The following CDH12 variants were observed in gnomAD, a reference collection of about 807,000 sequenced individuals.
The protein encoded by CDH12 is cadherin 12, also known as cadherin-12.
CDH12 carries 41 observed loss-of-function variants against 74.1 expected under a neutral mutation model. That is an observed-to-expected ratio of 0.55 (90% confidence interval 0.43 to 0.72). The LOEUF is 0.72. Among genes scored for constraint, CDH12 ranks in the 30% least tolerant of loss-of-function variants. The pLI, the probability that CDH12 is intolerant of heterozygous loss-of-function variation, is 0.00. For synonymous variants in CDH12, 399 were observed against 355.0 expected (o/e 1.12, Z -1.39); for missense variants, 945 against 977.2 (o/e 0.97, Z 0.44).
chr5:22,751,723 A>G (rs1045906609), intron 1 of CDH12, among the ~76,000 whole-genome samples: 1 of 152,172 alleles, frequency 6.6e-6, no homozygotes, highest in Admixed American at 6.5e-5. Context: ...TGGTTTGGGT[A>G]TGTTGCCAGC....
intron 2 of CDH12, among the ~76,000 whole-genome samples, chr5:22,470,918 T>A (rs1475179041): frequency 6.6e-6 from 1 of 150,746 alleles, no homozygotes; most frequent in Non-Finnish European, 1.5e-5. Flanking sequence ...TCTGAAAAAC[T>A]AAATTTGTGT....
At chr5:22,685,956 T>C (rs182777753) in intron 1 of CDH12, among the ~76,000 whole-genome samples, 41 of 152,324 alleles carry the variant, frequency 2.7e-4, no homozygotes, top group Non-Finnish European at 3.4e-4. Context: ...AGTTGGCATA[T>C]TGAAGAACCG....
chr5:22,321,754 T>A lies in CDH12; in HGVS notation c.-333+83503A>T, dbSNP rs1738893930. ...AATTAAAATTTTTATTTTTATGTAC[T>A]TATTTTGTAATATCTTAGTGCAGAC... On this transcript the variant is annotated intron_variant, in intron 3 of 14. Coordinates refer to ENST00000382254, the MANE Select transcript of CDH12 (RefSeq NM_004061.5). 2.6e-5 allele frequency among the ~76,000 whole-genome samples: 4 copies of A among 152,328 alleles called. No individual in the cohort carries two copies. In the South Asian group the frequency reaches 8.3e-4, roughly 32 times the overall value.
intron 2 of CDH12, among the ~76,000 whole-genome samples, chr5:22,406,566 A>G (rs1313232908): frequency 3.3e-5 from 5 of 152,140 alleles, no homozygotes; most frequent in Non-Finnish European, 7.4e-5. Context: ...TATTCTTTCC[A>G]CCAGAAAGAA....
intron 4 of CDH12, among the ~76,000 whole-genome samples, chr5:22,171,874 G>T (rs181123440): frequency 3.0e-4 from 45 of 152,004 alleles, no homozygotes; most frequent in Middle Eastern, 3.4e-3. Flanking sequence ...GACAAATTGT[G>T]CAAGGTTAAT....
chr5:21,755,705 T>C lies in CDH12; in HGVS notation c.1771A>G (p.Arg591Gly). ...STNTMTIRVC[R>G]CDSDGTILSC... ...AGGATGGTGCCATCAGAGTCACATC[T>C]ACAGACTCGAATAGTCATTGTGTTT... The change falls in exon 14 of 15, where the codon AGA becomes GGA. Residue 591 changes from arginine (R) to glycine (G), a missense_variant. This residue lies in a region of CDH12 where 791 missense variants were observed against 792.8 expected (regional missense o/e 1.00). Coordinates refer to ENST00000382254, the MANE Select transcript of CDH12 (RefSeq NM_004061.5). The C allele has an allele frequency of 6.2e-7, 1 of 1,614,124 alleles. No individual in the cohort carries two copies. Among genetic ancestry groups the C allele is most frequent in the Non-Finnish European group, 8.5e-7 (1 of 1,180,012 alleles).
At chr5:22,766,635 C>A (rs991431855) in intron 1 of CDH12, among the ~76,000 whole-genome samples, 2 of 152,082 alleles carry the variant, frequency 1.3e-5, no homozygotes, top group African/African-American at 2.4e-5. Context: ...GCCCTTCCAA[C>A]TCCTGTGGGT....
At chr5:22,686,844 C>T (rs1741820669) in intron 1 of CDH12, among the ~76,000 whole-genome samples, 1 of 152,138 alleles carries the variant, frequency 6.6e-6, no homozygotes, top group Non-Finnish European at 1.5e-5. Context: ...ATTTCTAACC[C>T]AAGGGTTGTC....
At chr5:22,399,517 G>A (rs1742621239) in intron 3 of CDH12, among the ~76,000 whole-genome samples, 1 of 152,010 alleles carries the variant, frequency 6.6e-6, no homozygotes, top group South Asian at 2.1e-4. Context: ...CTGTTCCATT[G>A]CCTACTTCAC....
chr5:22,152,321 G>C (rs933350559), intron 4 of CDH12: 1 of 152,076 alleles, frequency 6.6e-6, no homozygotes, highest in African/African-American at 2.4e-5. Context: ...ACAATATGCT[G>C]AACATTAGAC....
At chr5:22,329,207 G>A in intron 3 of CDH12, among the ~76,000 whole-genome samples, 1 of 152,100 alleles carries the variant, frequency 6.6e-6, no homozygotes, top group African/African-American at 2.4e-5. Context: ...TAGGTTAAAG[G>A]CAAAACAAAC....
chr5:21,966,281 T>G (rs1042197613), intron 6 of CDH12, among the ~76,000 whole-genome samples: 1 of 151,830 alleles, frequency 6.6e-6, no homozygotes, highest in African/African-American at 2.4e-5. Flanking sequence ...CAATCCACTA[T>G]GTAATGGGTC....
In CDH12 at chr5:22,329,898, C is replaced by T. The variant is rs542850861; in HGVS notation, c.-333+75359G>A. On this transcript the variant is annotated intron_variant, in intron 3 of 14. Transcript: ENST00000382254. ...ACTGTGGACTGAAGTGTTCTGGGCTCCTAGGTAAACTTGAAAGCCAGTCTA... is the reference window on the plus strand; with the variant it reads ...ACTGTGGACTGAAGTGTTCTGGGCTTCTAGGTAAACTTGAAAGCCAGTCTA... Among the ~76,000 whole-genome samples the T allele has an allele frequency of 2.7e-4, 41 of 152,266 alleles. No individual in the cohort carries two copies. In the South Asian group the frequency reaches 8.3e-3, roughly 31 times the overall value.
chr5:21,842,905 G>A (rs945129030), intron 7 of CDH12, among the ~76,000 whole-genome samples: 1 of 152,122 alleles, frequency 6.6e-6, no homozygotes, highest in African/African-American at 2.4e-5. Context: ...CCAGGACAGT[G>A]CCATTTACAA....
intron 4 of CDH12, among the ~76,000 whole-genome samples, chr5:22,081,533 C>T (rs558123599): frequency 3.3e-5 from 5 of 152,266 alleles, no homozygotes; most frequent in African/African-American, 1.2e-4. Flanking sequence ...CTTCCCAAAT[C>T]TATTCTAGAA....
At chr5:22,534,307 C>T (rs564242234) in intron 1 of CDH12, among the ~76,000 whole-genome samples, 10 of 152,134 alleles carry the variant, frequency 6.6e-5, no homozygotes, top group African/African-American at 2.4e-4. Flanking sequence ...ATCGCCGGAG[C>T]AGTATACCCT....
chr5:22,027,638 T>C (rs1486490757), intron 5 of CDH12, among the ~76,000 whole-genome samples: 1 of 152,190 alleles, frequency 6.6e-6, no homozygotes, highest in Non-Finnish European at 1.5e-5. Flanking sequence ...GTAGTTTGTA[T>C]TTCTGTGGGA....
At chr5:21,774,505 A>G (rs1213777558) in intron 11 of CDH12, 2 of 152,062 alleles carry the variant, frequency 1.3e-5, no homozygotes, top group African/African-American at 4.8e-5. Context: ...TCATCTTGTG[A>G]TCATGTGAGT....
chr5:22,211,219 C>T (rs1177262339), intron 4 of CDH12, among the ~76,000 whole-genome samples: 1 of 152,052 alleles, frequency 6.6e-6, no homozygotes, highest in Non-Finnish European at 1.5e-5. Context: ...TACGAGTGCT[C>T]ACTCTGAAAA....
Sources: allele counts gnomAD v4.1 joint callset (sites outside exome capture counted in the v4.1 genomes callset), GRCh38; gene constraint gnomAD v4.1.1; regional missense constraint gnomAD v4.1.1; transcripts MANE v1.5; gene names NCBI Gene and HGNC (gene_info 2026-07-23, HGNC 2026-07-21).